The following ODAD2 variants were observed in gnomAD, a reference collection of about 807,000 sequenced individuals.
ODAD2 encodes the protein outer dynein arm docking complex subunit 2, also known as outer dynein arm-docking complex subunit 2.
A neutral mutation model predicts 106.8 loss-of-function variants in ODAD2; 89 were observed. The ratio of observed to expected loss-of-function variants is 0.83; its 90% CI spans 0.70 to 0.99. ODAD2 has a LOEUF of 0.99. Among genes scored for constraint, ODAD2 ranks in the 50% least tolerant of loss-of-function variants. The pLI is 0.00. For missense variants in ODAD2, 1,168 were observed against 1,238.5 expected (o/e 0.94, Z 0.85); for synonymous variants, 404 against 436.2 (o/e 0.93, Z 0.92).
chr10:27,986,425 C>T (rs1472984107), intron 3 of ODAD2, among the ~76,000 whole-genome samples: 1 of 152,154 alleles, frequency 6.6e-6, no homozygotes, highest in East Asian at 1.9e-4. Flanking sequence ...CATATTATGT[C>T]TACCAATTGA....
At chr10:27,977,491 C>A (rs1376396545) in intron 7 of ODAD2, among the ~76,000 whole-genome samples, 1 of 151,820 alleles carries the variant, frequency 6.6e-6, no homozygotes, top group African/African-American at 2.4e-5. Context: ...GTTGTGAACC[C>A]AGGAGGTGGA....
intron 19 of ODAD2, among the ~76,000 whole-genome samples, chr10:27,829,284 G>A (rs764328796): frequency 2.2e-4 from 33 of 152,028 alleles, no homozygotes; most frequent in Admixed American, 1.3e-3. Flanking sequence ...CTACTAAATC[G>A]GAACTAAACT....
chr10:27,838,719 A>C (rs1362827145), intron 19 of ODAD2, among the ~76,000 whole-genome samples: 1 of 152,216 alleles, frequency 6.6e-6, no homozygotes, highest in Non-Finnish European at 1.5e-5. Flanking sequence ...ACCCAGTAGC[A>C]ATCTTTTCCA....
chr10:27,841,639 G>T (rs143555276), intron 19 of ODAD2, among the ~76,000 whole-genome samples: 4,292 of 151,892 alleles, frequency 0.028, 196 homozygotes, highest in African/African-American at 0.099. Flanking sequence ...CAGGTGATCT[G>T]CCTGCCTCGG....
chr10:27,956,398 T>G (rs1468754896), intron 10 of ODAD2, among the ~76,000 whole-genome samples: 1 of 152,150 alleles, frequency 6.6e-6, no homozygotes, highest in Non-Finnish European at 1.5e-5. Context: ...GAATGAGCCC[T>G]AGAGGCCTCC....
At chr10:27,839,473 G>A (rs1219731803) in intron 19 of ODAD2, among the ~76,000 whole-genome samples, 1 of 152,146 alleles carries the variant, frequency 6.6e-6, no homozygotes, top group Non-Finnish European at 1.5e-5. Context: ...AAGTTTTTGA[G>A]TGCAACATTA....
chr10:27,988,360 C>G lies in ODAD2; in HGVS notation c.225-817G>C, dbSNP rs531822757. 2.3e-5 allele frequency among the ~76,000 whole-genome samples: 3 copies of G among 131,974 alleles called. No individual in the cohort carries two copies. The East Asian group carries it at 6.9e-4, about 30-fold the overall frequency. 86.6% of individuals were successfully genotyped at this position (131,974 alleles called of 152,430 possible). A position where few individuals can be genotyped will look rare whatever the true frequency, so the allele number is the denominator to read the frequency against. ...AGCTTTTTTTTTTTTTTTTTTGAGA[C>G]AGAGTATCCCTCTGTCACCGGGATT... On this transcript the variant is annotated intron_variant, in intron 2 of 19. Transcript: ENST00000305242.
chr10:27,854,915 A>G (rs1022980293), intron 19 of ODAD2, among the ~76,000 whole-genome samples: 1 of 152,208 alleles, frequency 6.6e-6, no homozygotes, highest in African/African-American at 2.4e-5. Flanking sequence ...AAACAAAAAA[A>G]CCAAGTACTT....
chr10:27,816,682 T>C (rs1371871018), intron 19 of ODAD2, among the ~76,000 whole-genome samples: 2 of 152,164 alleles, frequency 1.3e-5, no homozygotes, highest in African/African-American at 4.8e-5. Flanking sequence ...TGAAGTTCCT[T>C]TGAGTATTGA....
intron 16 of ODAD2, among the ~76,000 whole-genome samples, chr10:27,913,492 T>C (rs1248554966): frequency 6.6e-6 from 1 of 152,134 alleles, no homozygotes; most frequent in South Asian, 2.1e-4. Context: ...TTAGACTTAA[T>C]TGAACTGAAG....
At chr10:27,906,145 C>A (rs1843570106) in intron 17 of ODAD2, among the ~76,000 whole-genome samples, 1 of 152,040 alleles carries the variant, frequency 6.6e-6, no homozygotes, top group Admixed American at 6.5e-5. Flanking sequence ...CCAGAATCTA[C>A]AAGGGACTTA....
intron 19 of ODAD2, among the ~76,000 whole-genome samples, chr10:27,860,066 C>A (rs1468003633): frequency 6.6e-6 from 1 of 152,114 alleles, no homozygotes; most frequent in Non-Finnish European, 1.5e-5. Flanking sequence ...CATCAAAAAT[C>A]AAATTATGGA....
rs1849319727 is a variant in ODAD2 at position 27,978,288 on chromosome 10, G to A, written c.936+3178C>T. On this transcript the variant is annotated intron_variant, in intron 7 of 19. Transcript: ENST00000305242. ...TAGAACACCAAGGAAGATCCTAAAG[G>A]CCTCCAAAGAGGGGAAAAAGCCAAA... Among the ~76,000 whole-genome samples, 2 of 152,146 alleles carry A rather than the reference G, an allele frequency of 1.3e-5. 1 individual carries two copies. Among genetic ancestry groups the A allele is most frequent in the South Asian group, 4.2e-4 (2 of 4,814 alleles).
intron 12 of ODAD2, 61 bp downstream of exon 12, chr10:27,944,161 A>G: frequency 1.4e-6 from 2 of 1,423,696 alleles, no homozygotes; most frequent in Admixed American, 1.9e-5. Flanking sequence ...AAAGGACAGC[A>G]AGGAGCTGTG....
At position 27,812,591 on chromosome 10, in the gene ODAD2, T is replaced by C. The variant is rs772239137; in HGVS notation, c.3056A>G (p.Asp1019Gly). The C allele has an allele frequency of 1.2e-6, 2 of 1,612,924 alleles. No homozygotes were observed. Among genetic ancestry groups the C allele is most frequent in the Non-Finnish European group, 1.7e-6 (2 of 1,179,764 alleles). ...LLDMVGSPDQ[D>G]LQEAAAGCIS... ...ACAACCAGCTGCAGCTTCCTGGAGA[T>C]CCTGGTCAGGGGACCCAACCATATC... Residue 1019 changes from aspartate (D) to glycine (G), a missense_variant, in exon 20 of 20, where the codon GAT (aspartate) becomes GGT (glycine). Asp to Gly is a moderately conservative substitution (Grantham distance 94, BLOSUM62 -1). Coordinates refer to ENST00000305242, the MANE Select transcript of ODAD2 (RefSeq NM_018076.5).
intron 17 of ODAD2, among the ~76,000 whole-genome samples, chr10:27,873,851 T>C (rs1307040590): frequency 6.6e-6 from 1 of 152,096 alleles, no homozygotes; most frequent in African/African-American, 2.4e-5. Flanking sequence ...GGGTGGAGAG[T>C]TCTGTAGGTG....
chr10:27,944,440 G>GAA lies in ODAD2; in HGVS notation c.1534-11_1534-10dup. On this transcript the variant is annotated splice_polypyrimidine_tract_variant and intron_variant, in intron 11 of 19. Coordinates refer to ENST00000305242, the MANE Select transcript of ODAD2 (RefSeq NM_018076.5). ...ATTTTTAATGAACCAATCTGTGTGA[G>GAA]AAAAAAAAAGATGAGTGGCGAATAT... 1.3e-6 allele frequency: 2 copies of GAA among 1,579,078 alleles called. No homozygotes were observed. Among genetic ancestry groups the GAA allele is most frequent in the Non-Finnish European group, 8.6e-7 (1 of 1,157,336 alleles).
chr10:27,999,299 G>A (rs1850740863), upstream of ODAD2, among the ~76,000 whole-genome samples: 1 of 152,182 alleles, frequency 6.6e-6, no homozygotes, highest in East Asian at 1.9e-4. Context: ...GGAGCAGAAA[G>A]GAAGCAGAAA....
chr10:27,910,784 A>G (rs113017756), intron 16 of ODAD2, among the ~76,000 whole-genome samples: 1,922 of 152,044 alleles, frequency 0.013, 41 homozygotes, highest in African/African-American at 0.045. Context: ...ACAAACAAAC[A>G]AAAAAACAGA....
Sources: allele counts gnomAD v4.1 joint callset (sites outside exome capture counted in the v4.1 genomes callset), GRCh38; gene constraint gnomAD v4.1.1; transcripts MANE v1.5; gene names NCBI Gene and HGNC (gene_info 2026-07-23, HGNC 2026-07-21).